The following RARB variants were observed in gnomAD, a reference collection of about 807,000 sequenced individuals.
RARB encodes retinoic acid receptor beta, also known as HBV-activated protein.
In RARB, 17 loss-of-function variants were observed where a neutral mutation model predicts 51.9. The ratio of observed to expected loss-of-function variants is 0.33; its 90% CI spans 0.22 to 0.49. The LOEUF is 0.49. Ranked by LOEUF, RARB falls within the 20% of genes least tolerant of loss-of-function variation. The pLI is 0.99. For synonymous variants in RARB, 215 were observed against 195.4 expected, an observed-to-expected ratio of 1.10 and a Z score of -0.84; for missense variants, 369 against 550.8, an observed-to-expected ratio of 0.67 and a Z score of 3.30.
rs1040549923 is a variant in RARB at position 25,428,345 on chromosome 3, C to T, written c.-387C>T. ...AAGGGGGGACCAGAATTCCCCCATGCGAGCTGTTTGAGGACTGGGATGCCG... is the reference window on the plus strand; with the variant it reads ...AAGGGGGGACCAGAATTCCCCCATGTGAGCTGTTTGAGGACTGGGATGCCG... On this transcript the variant is annotated 5_prime_UTR_variant, in exon 1 of 8. An upstream open reading frame in the 5' UTR gains an earlier in-frame stop. Transcript: ENST00000330688. 6.7e-5 allele frequency: 83 copies of T among 1,246,488 alleles called. No homozygotes were observed. The highest frequency in any genetic ancestry group is 7.1e-5 in the Non-Finnish European group (71 of 996,326). The allele number at this position is 1,246,488 out of a possible 1,614,324, so 77.2% of individuals were successfully genotyped here.
intron 2 of RARB, among the ~76,000 whole-genome samples, chr3:24,907,135 G>C (rs1694885114): frequency 6.6e-6 from 1 of 152,150 alleles, no homozygotes; most frequent in South Asian, 2.1e-4. Flanking sequence ...GAATACTTAC[G>C]GTAGTTGAAG....
chr3:24,900,817 A>C (rs1395683499), intron 2 of RARB, among the ~76,000 whole-genome samples: 1 of 152,208 alleles, frequency 6.6e-6, no homozygotes, highest in Non-Finnish European at 1.5e-5. Context: ...GTGATGTTAT[A>C]ATAAAATTTC....
At position 25,428,911 on chromosome 3, in the gene RARB, T is replaced by C. The variant is rs746518650; in HGVS notation, c.157+23T>C. 7.6e-6 allele frequency: 12 copies of C among 1,575,542 alleles called. No individual in the cohort carries two copies. The East Asian group carries it at 2.3e-4, about 30-fold the overall frequency. On this transcript the variant is annotated intron_variant, in intron 1 of 7. Coordinates refer to ENST00000330688, the MANE Select transcript of RARB (RefSeq NM_000965.5). ...AATGTAGGTTTATTTTTTTCCCTTC[T>C]TCTACCAAGAAAAAAAAAATTGTCT...
intron 5 of RARB, among the ~76,000 whole-genome samples, chr3:25,241,429 A>G (rs1702427830): frequency 6.6e-6 from 1 of 152,086 alleles, no homozygotes; most frequent in Admixed American, 6.6e-5. Flanking sequence ...CCCATCATCC[A>G]CATTAGCTAT....
intron 2 of RARB, among the ~76,000 whole-genome samples, chr3:24,970,029 G>A (rs927811084): frequency 1.3e-5 from 2 of 152,008 alleles, no homozygotes; most frequent in African/African-American, 2.4e-5. Flanking sequence ...GTTATATAAA[G>A]GAGCAGACAG....
intron 3 of RARB, among the ~76,000 whole-genome samples, chr3:25,089,144 T>G (rs1431277587): frequency 2.0e-5 from 3 of 152,104 alleles, no homozygotes; most frequent in African/African-American, 7.2e-5. Flanking sequence ...GAGCCGATTT[T>G]TTTTTTAAAC....
At chr3:25,571,261 C>T (rs1700699893) in intron 4 of RARB, among the ~76,000 whole-genome samples, 1 of 152,242 alleles carries the variant, frequency 6.6e-6, no homozygotes, top group Non-Finnish European at 1.5e-5. Context: ...CAAAACTCAG[C>T]GTGCATCTGA....
At chr3:25,112,777 A>C (rs4858709) in intron 3 of RARB, among the ~76,000 whole-genome samples, 96,425 of 151,794 alleles carry the variant, frequency 0.64, 30,923 homozygotes, top group Admixed American at 0.73. Flanking sequence ...GACCCTGTCT[A>C]AAAAAGGGAA....
intron 5 of RARB, among the ~76,000 whole-genome samples, chr3:25,254,683 G>GA (rs1225609969): frequency 1.3e-5 from 2 of 152,142 alleles, no homozygotes; most frequent in African/African-American, 4.8e-5. Context: ...GAAGGAAGGA[G>GA]AGGGAGGGTG....
intron 3 of RARB, among the ~76,000 whole-genome samples, chr3:25,084,149 C>T (rs969708166): frequency 5.9e-5 from 9 of 152,180 alleles, no homozygotes; most frequent in Non-Finnish European, 1.2e-4. Flanking sequence ...TCTTCACATT[C>T]TATCTAACTC....
At chr3:25,173,590 T>C (rs1362698668) in intron 4 of RARB, among the ~76,000 whole-genome samples, 1 of 152,178 alleles carries the variant, frequency 6.6e-6, no homozygotes, top group East Asian at 1.9e-4. Context: ...AAGTTACTCA[T>C]ATAAAAGAAG....
chr3:25,425,416 C>G (rs1336056731), upstream of RARB, among the ~76,000 whole-genome samples: 1 of 152,106 alleles, frequency 6.6e-6, no homozygotes, highest in Non-Finnish European at 1.5e-5. Flanking sequence ...AATCATGGGT[C>G]TGTTTTATAA....
intron 3 of RARB, among the ~76,000 whole-genome samples, chr3:25,092,123 G>A (rs1699209376): frequency 6.6e-6 from 1 of 152,166 alleles, no homozygotes; most frequent in African/African-American, 2.4e-5. Context: ...TTACAGCCAG[G>A]CTCCAGAAAT....
intron 2 of RARB, among the ~76,000 whole-genome samples, chr3:24,976,015 C>T (rs138518359): frequency 0.016 from 2,510 of 152,236 alleles, 39 homozygotes; most frequent in Middle Eastern, 0.048. Context: ...TGAGAACATG[C>T]GGTGTTTGGT....
rs538027194 is a variant in RARB at position 25,041,380 on chromosome 3, AT to A, written c.-379-18740del. On this transcript the variant is annotated intron_variant, in intron 2 of 11. Transcript: ENST00000383772. ...TAAATATTCGAATCCATCTTTAAGA[AT>A]TTTTACTTGGAAAGTTCATAGAACA... is the stretch of plus-strand genomic sequence containing the variant. Among the ~76,000 whole-genome samples, 471 of 152,280 alleles carry A rather than the reference AT, an allele frequency of 3.1e-3. 2 individuals carry two copies. Among genetic ancestry groups the A allele is most frequent in the African/African-American group, 0.011 (448 of 41,562 alleles).
intron 5 of RARB, among the ~76,000 whole-genome samples, chr3:25,186,442 T>C (rs1700975956): frequency 6.6e-6 from 1 of 152,146 alleles, no homozygotes; most frequent in African/African-American, 2.4e-5. Flanking sequence ...ATTTTACCTC[T>C]ATGTATTATT....
At chr3:25,090,052 A>G (rs1575155704) in intron 3 of RARB, among the ~76,000 whole-genome samples, 1 of 152,284 alleles carries the variant, frequency 6.6e-6, no homozygotes, top group East Asian at 1.9e-4. Context: ...GACAGAAAGC[A>G]GGAATTAAAA....
At position 25,580,533 on chromosome 3, in the gene RARB, C is replaced by T. The variant is rs1313799157; in HGVS notation, c.610-13C>T. 2.6e-6 allele frequency: 4 copies of T among 1,558,820 alleles called. No homozygotes were observed. The highest frequency in any genetic ancestry group is 2.6e-6 in the Non-Finnish European group (3 of 1,139,514). On this transcript the variant is annotated splice_polypyrimidine_tract_variant and intron_variant, in intron 4 of 7. Transcript: ENST00000330688. ...CGGAAACTGTATCTGATGACATTTT[C>T]TCTCTCTCCTAGAATTCCAGTGCTG...
At chr3:24,866,516 T>G (rs1176431983) in intron 2 of RARB, among the ~76,000 whole-genome samples, 1 of 152,036 alleles carries the variant, frequency 6.6e-6, no homozygotes, top group Admixed American at 6.6e-5. Flanking sequence ...CACAGCATGG[T>G]TTAAGAAATA....
Sources: gnomAD v4.1 joint callset for allele counts (sites outside exome capture counted in the v4.1 genomes callset) on GRCh38, gnomAD v4.1.1 for gene constraint, MANE v1.5 for transcripts, NCBI Gene and HGNC (gene_info 2026-07-23, HGNC 2026-07-21) for gene names.